ST18: variants seen among roughly 807,000 people sequenced by gnomAD.
ST18 encodes ST18 C2H2C-type zinc finger transcription factor.
In ST18, 50 loss-of-function variants were observed where a neutral mutation model predicts 110.0. The observed-to-expected ratio is 0.45, with a 90% CI of 0.36 to 0.58. The LOEUF is 0.58. Among genes scored for constraint, ST18 ranks in the 20% least tolerant of loss-of-function variants. ST18 has a pLI of 0.00. For synonymous variants in ST18, 461 were observed against 452.4 expected, an observed-to-expected ratio of 1.02 and a Z score of -0.24; for missense variants, 1,306 against 1,280.1, an observed-to-expected ratio of 1.02 and a Z score of -0.31.
intron 8 of ST18, among the ~76,000 whole-genome samples, chr8:52,208,498 TAAGATCTATGTCTAGGTC>T (rs1220465487): frequency 6.6e-6 from 1 of 152,206 alleles, no homozygotes; most frequent in Non-Finnish European, 1.5e-5. Flanking sequence ...GAATAATAAT[TAAGATCTATGTCTAGGTC>T]AGCTTAAACT....
At chr8:52,300,920 C>G (rs989312287) in intron 2 of ST18, among the ~76,000 whole-genome samples, 1 of 152,144 alleles carries the variant, frequency 6.6e-6, no homozygotes, top group African/African-American at 2.4e-5. Context: ...AAAGTAGAGA[C>G]TCACAATACA....
At chr8:52,139,743 C>A (rs191968166) in intron 17 of ST18, among the ~76,000 whole-genome samples, 2 of 149,186 alleles carry the variant, frequency 1.3e-5, no homozygotes, top group Non-Finnish European at 3.0e-5. Flanking sequence ...TATAAATTAC[C>A]TATAAAATAT....
chr8:52,120,592 A>G (rs1313180020), intron 23 of ST18, among the ~76,000 whole-genome samples: 1 of 152,186 alleles, frequency 6.6e-6, no homozygotes, highest in Admixed American at 6.5e-5. Flanking sequence ...GAAGGGAGTG[A>G]GTGCCCCATG....
chr8:52,275,318 T>C (rs1010174688), intron 2 of ST18, among the ~76,000 whole-genome samples: 9 of 152,240 alleles, frequency 5.9e-5, no homozygotes, highest in Non-Finnish European at 1.3e-4. Context: ...TGATGTTGCC[T>C]ATTATGTCCT....
intron 17 of ST18, 96 bp from the exon 18 acceptor site, chr8:52,137,579 G>T: frequency 8.1e-7 from 1 of 1,230,420 alleles, no homozygotes; most frequent in Non-Finnish European, 1.2e-6. Flanking sequence ...TTCTCTGTGC[G>T]AGATAAGTTA....
At chr8:52,389,851 C>T (rs1315749419) in intron 2 of ST18, among the ~76,000 whole-genome samples, 1 of 152,156 alleles carries the variant, frequency 6.6e-6, no homozygotes, top group Non-Finnish European at 1.5e-5. Context: ...GGTAGTGGCG[C>T]TCAGATTAAC....
At chr8:52,201,876 C>A (rs2078105135) in intron 8 of ST18, among the ~76,000 whole-genome samples, 1 of 152,164 alleles carries the variant, frequency 6.6e-6, no homozygotes, top group Non-Finnish European at 1.5e-5. Flanking sequence ...CAAATGAGAC[C>A]AAGTGAGACA....
chr8:52,123,311 A>T (rs1272755439), intron 23 of ST18, among the ~76,000 whole-genome samples: 1 of 152,232 alleles, frequency 6.6e-6, no homozygotes, highest in East Asian at 1.9e-4. Context: ...CTAAAGGTAA[A>T]GCCATATGCA....
At chr8:52,139,003 C>A (rs2131878303) in intron 17 of ST18, among the ~76,000 whole-genome samples, 1 of 152,264 alleles carries the variant, frequency 6.6e-6, no homozygotes, top group South Asian at 2.1e-4. Context: ...TTAGAGCATT[C>A]CCATCTTTCA....
At chr8:52,320,659 C>T (rs570526913) in intron 2 of ST18, among the ~76,000 whole-genome samples, 1 of 152,312 alleles carries the variant, frequency 6.6e-6, no homozygotes, top group East Asian at 1.9e-4. Context: ...CCGTGAGATA[C>T]TATCAGATCG....
intron 2 of ST18, among the ~76,000 whole-genome samples, chr8:52,328,338 C>A (rs1311435823): frequency 6.6e-6 from 1 of 152,170 alleles, no homozygotes; most frequent in Non-Finnish European, 1.5e-5. Flanking sequence ...GATGAAGAGA[C>A]CTTATCATAT....
At chr8:52,267,133 T>C (rs1019353129) in intron 2 of ST18, among the ~76,000 whole-genome samples, 2 of 152,052 alleles carry the variant, frequency 1.3e-5, no homozygotes, top group Non-Finnish European at 2.9e-5. Flanking sequence ...GGTGCACTCG[T>C]TGGTGACAAT....
intron 2 of ST18, among the ~76,000 whole-genome samples, chr8:52,318,749 C>T (rs2096072390): frequency 6.6e-6 from 1 of 152,026 alleles, no homozygotes; most frequent in Non-Finnish European, 1.5e-5. Flanking sequence ...ACTATGCTGC[C>T]ATAAAAAGGA....
At chr8:52,403,088 G>C (rs1362765453) in intron 2 of ST18, among the ~76,000 whole-genome samples, 3 of 152,126 alleles carry the variant, frequency 2.0e-5, no homozygotes, top group Non-Finnish European at 4.4e-5. Context: ...GGTCCAAGTA[G>C]CTGGGGCTGG....
chr8:52,264,092 C>T (rs1414933003), intron 2 of ST18, among the ~76,000 whole-genome samples: 2 of 152,274 alleles, frequency 1.3e-5, no homozygotes, highest in Non-Finnish European at 2.9e-5. Context: ...AGCCACCACG[C>T]CTGGCAATAC....
chr8:52,150,038 T>G, intron 15 of ST18, 61 bp from the exon 16 acceptor site: 2 of 1,549,746 alleles, frequency 1.3e-6, no homozygotes, highest in Non-Finnish European at 1.7e-6. Flanking sequence ...CCTAGCCATG[T>G]GGGGCTTTTA....
intron 2 of ST18, among the ~76,000 whole-genome samples, chr8:52,231,841 C>T (rs1170650623): frequency 6.6e-6 from 1 of 152,218 alleles, no homozygotes; most frequent in African/African-American, 2.4e-5. Flanking sequence ...TCCAGGTTCT[C>T]CTGCTGCTCC....
chr8:52,387,948 C>T (rs1244899628), intron 2 of ST18, among the ~76,000 whole-genome samples: 2 of 151,724 alleles, frequency 1.3e-5, no homozygotes, highest in African/African-American at 4.8e-5. Flanking sequence ...ACTGCCAGCA[C>T]CCTCCCCACC....
intron 2 of ST18, among the ~76,000 whole-genome samples, chr8:52,234,764 T>TGA (rs1554762498): frequency 6.9e-6 from 1 of 145,402 alleles, no homozygotes; most frequent in African/African-American, 2.6e-5. Flanking sequence ...TGTGTGTGTG[T>TGA]GACAGAATAC....
Sources: allele counts gnomAD v4.1 joint callset (sites outside exome capture counted in the v4.1 genomes callset), GRCh38; gene constraint gnomAD v4.1.1; transcripts MANE v1.5; gene names NCBI Gene and HGNC (gene_info 2026-07-23, HGNC 2026-07-21).